The following ADGRV1 variants were observed in gnomAD, a reference collection of about 807,000 sequenced individuals.
The protein encoded by ADGRV1 is G-protein coupled receptor 98.
In ADGRV1, 359 loss-of-function variants were observed where a neutral mutation model predicts 596.2. The ratio of observed to expected loss-of-function variants is 0.60; its 90% CI spans 0.55 to 0.66. The LOEUF is 0.66. Among genes scored for constraint, ADGRV1 ranks in the 30% least tolerant of loss-of-function variants. The pLI, the probability that ADGRV1 is intolerant of heterozygous loss-of-function variation, is 0.00. For synonymous variants in ADGRV1, 2,681 were observed against 2,679.2 expected, an observed-to-expected ratio of 1.00 and a Z score of -0.02; for missense variants, 7,274 against 7,575.6, an observed-to-expected ratio of 0.96 and a Z score of 1.48.
At chr5:90,889,510 A>T (rs1301402193) in intron 83 of ADGRV1, among the ~76,000 whole-genome samples, 3 of 152,134 alleles carry the variant, frequency 2.0e-5, no homozygotes, top group Non-Finnish European at 4.4e-5. Flanking sequence ...CAGGGTATTA[A>T]TACATTTTTG....
chr5:91,093,636 C>T (rs545862075), intron 86 of ADGRV1, among the ~76,000 whole-genome samples: 27 of 152,248 alleles, frequency 1.8e-4, no homozygotes, highest in African/African-American at 5.8e-4. Context: ...CAAAGAGATA[C>T]AGGCATGAAG....
chr5:91,163,804 T>A lies in ADGRV1; in HGVS notation c.18825T>A (p.Asp6275Glu). Residue 6275 changes from aspartate (D) to glutamate (E), a missense_variant, in exon 90 of 90, where the codon GAT becomes GAA. Coordinates refer to ENST00000405460, the MANE Select transcript of ADGRV1 (RefSeq NM_032119.4). ...LKTGAGLSVS[D>E]NESGQGSQEG... ...CAGGTGCTGGTCTCAGTGTCAGTGA[T>A]AATGAATCTGGTCAAGGCAGCCAGG... 1 of 1,577,888 alleles carries A rather than the reference T, an allele frequency of 6.3e-7. No individual in the cohort carries two copies. Among genetic ancestry groups the A allele is most frequent in the Admixed American group, 1.7e-5 (1 of 58,506 alleles).
At chr5:90,765,972 C>G (rs531055720) in intron 59 of ADGRV1, among the ~76,000 whole-genome samples, 1 of 151,800 alleles carries the variant, frequency 6.6e-6, no homozygotes, top group Non-Finnish European at 1.5e-5. Context: ...TGCAGTGGCG[C>G]GATCTCTGCT....
chr5:91,085,181 A>G (rs891888962), intron 86 of ADGRV1, among the ~76,000 whole-genome samples: 3 of 152,190 alleles, frequency 2.0e-5, no homozygotes, highest in Non-Finnish European at 2.9e-5. Flanking sequence ...ATACCTATGT[A>G]ACAAACCTGC....
At chr5:90,777,011 T>C (rs1758310371) in intron 61 of ADGRV1, among the ~76,000 whole-genome samples, 1 of 152,184 alleles carries the variant, frequency 6.6e-6, no homozygotes. Flanking sequence ...TGTATTAGTC[T>C]GTTCTCACAC....
At chr5:91,016,823 C>T (rs1054719231) in intron 85 of ADGRV1, among the ~76,000 whole-genome samples, 2 of 151,610 alleles carry the variant, frequency 1.3e-5, no homozygotes, top group African/African-American at 4.8e-5. Flanking sequence ...ACTAGAGATA[C>T]AGTAATAAAA....
chr5:90,786,228 C>T (rs1272558483), intron 67 of ADGRV1, among the ~76,000 whole-genome samples: 1 of 138,474 alleles, frequency 7.2e-6, no homozygotes, highest in African/African-American at 2.7e-5. Flanking sequence ...GGGCAGGGAA[C>T]ATCATACACT....
At position 90,750,579 on chromosome 5, in the gene ADGRV1, T is replaced by C. The variant is rs1755128114; in HGVS notation, c.11003T>C (p.Met3668Thr). ...TCATTATATAAGCAAGTGGAAGAAA[T>C]GGAGCAAGATAGCCTAGTAACCTTG... ...QNSLYKQVEE[M>T]EQDSLVTLNV... The change falls in exon 53 of 90, where the codon ATG becomes ACG. Residue 3668 changes from methionine (M) to threonine (T), a missense_variant. By Grantham distance (81) the Met-to-Thr change is moderately conservative. This residue lies in a region of ADGRV1 where 3,643 missense variants were observed against 3,809.2 expected (regional missense o/e 0.96). Transcript: ENST00000405460. 1.9e-6 allele frequency: 3 copies of C among 1,609,864 alleles called. No individual in the cohort carries two copies. The Admixed American group carries it at 5.0e-5, about 27-fold the overall frequency.
chr5:91,061,768 G>C (rs1213707112), intron 85 of ADGRV1, among the ~76,000 whole-genome samples: 1 of 152,204 alleles, frequency 6.6e-6, no homozygotes, highest in Non-Finnish European at 1.5e-5. Flanking sequence ...AATATGTAGA[G>C]TTAGTTAGCA....
intron 1 of ADGRV1, among the ~76,000 whole-genome samples, chr5:90,566,958 C>T (rs981793787): frequency 3.9e-5 from 6 of 152,014 alleles, no homozygotes; most frequent in Admixed American, 1.3e-4. Context: ...ATTATAGATA[C>T]CCTTTGTCAG....
At position 91,127,540 on chromosome 5, in the gene ADGRV1, C is replaced by CAAA. The variant is rs11406300; in HGVS notation, c.18433-22474_18433-22472dup. Among the ~76,000 whole-genome samples, 196 of 125,538 alleles carry CAAA rather than the reference C, an allele frequency of 1.6e-3. 2 individuals are homozygous for CAAA. Among genetic ancestry groups the CAAA allele is most frequent in the Non-Finnish European group, 2.4e-3 (149 of 61,840 alleles). The allele number at this position is 125,538 out of a possible 152,430, so 82.4% of individuals were successfully genotyped here. The stretch of plus-strand genomic sequence containing the variant: ...GTAAAGGAGCTAAACCCAGTCTCAC[C>CAAA]AAAAAAAAAAAAAAAAAATCTTACT... On this transcript the variant is annotated intron_variant, in intron 87 of 89. Transcript: ENST00000405460.
intron 70 of ADGRV1, among the ~76,000 whole-genome samples, chr5:90,796,666 AAT>A (rs1760752577): frequency 6.6e-6 from 1 of 152,174 alleles, no homozygotes; most frequent in African/African-American, 2.4e-5. Context: ...TAAGACACAT[AAT>A]TGTCAGATTC....
intron 21 of ADGRV1, among the ~76,000 whole-genome samples, chr5:90,660,146 T>C (rs1770052233): frequency 6.6e-6 from 1 of 152,194 alleles, no homozygotes; most frequent in Admixed American, 6.5e-5. Flanking sequence ...AAATATAAAA[T>C]AATACCCCCT....
chr5:90,864,468 T>G (rs187582853), intron 83 of ADGRV1, among the ~76,000 whole-genome samples: 1 of 152,288 alleles, frequency 6.6e-6, no homozygotes, highest in Admixed American at 6.5e-5. Context: ...GAAAAGTAGA[T>G]GTACATATAA....
intron 83 of ADGRV1, among the ~76,000 whole-genome samples, chr5:90,933,209 T>C (rs1006371804): frequency 1.3e-5 from 2 of 152,200 alleles, no homozygotes; most frequent in East Asian, 1.9e-4. Flanking sequence ...AATTTACTCA[T>C]GGTGTTTATG....
At chr5:90,894,932 C>G (rs1771161313) in intron 83 of ADGRV1, among the ~76,000 whole-genome samples, 1 of 151,832 alleles carries the variant, frequency 6.6e-6, no homozygotes, top group Non-Finnish European at 1.5e-5. Context: ...TCTTTTCTTT[C>G]TTTTTTGTTT....
chr5:90,819,843 G>A (rs1209968391), intron 75 of ADGRV1, among the ~76,000 whole-genome samples: 1 of 152,094 alleles, frequency 6.6e-6, no homozygotes, highest in East Asian at 1.9e-4. Flanking sequence ...CAAGTACGTG[G>A]TCATTTTTGG....
intron 43 of ADGRV1, 90 bp downstream of exon 43, chr5:90,716,819 G>GA (rs1413995206): frequency 3.3e-6 from 3 of 917,126 alleles, no homozygotes; most frequent in African/African-American, 3.3e-5. Flanking sequence ...GTCCTAGAAT[G>GA]AAAAAACAAT....
At chr5:91,135,986 G>T (rs953372085) in intron 87 of ADGRV1, among the ~76,000 whole-genome samples, 3 of 152,086 alleles carry the variant, frequency 2.0e-5, no homozygotes, top group Non-Finnish European at 4.4e-5. Context: ...ACAAGTCCAC[G>T]GGGCAAACCT....
Sources: allele counts gnomAD v4.1 joint callset (sites outside exome capture counted in the v4.1 genomes callset), GRCh38; gene constraint gnomAD v4.1.1; regional missense constraint gnomAD v4.1.1; transcripts MANE v1.5; gene names NCBI Gene and HGNC (gene_info 2026-07-23, HGNC 2026-07-21).